NKAIN3: variants seen among roughly 807,000 people sequenced by gnomAD.
NKAIN3 encodes sodium/potassium-transporting ATPase subunit beta-1-interacting protein 3.
A neutral mutation model predicts 30.2 loss-of-function variants in NKAIN3; 25 were observed. The observed-to-expected ratio is 0.83, with a 90% CI of 0.60 to 1.16. NKAIN3 has a LOEUF of 1.16. Ranked by LOEUF, NKAIN3 falls within the 50% of genes most tolerant of loss-of-function variation. The pLI, the probability that NKAIN3 is intolerant of heterozygous loss-of-function variation, is 0.00. For missense variants in NKAIN3, 225 were observed against 254.1 expected (o/e 0.89, Z 0.78); for synonymous variants, 91 against 89.6 (o/e 1.02, Z -0.09).
intron 2 of NKAIN3, among the ~76,000 whole-genome samples, chr8:62,586,585 A>G (rs1290450075): frequency 6.6e-6 from 1 of 152,104 alleles, no homozygotes; most frequent in African/African-American, 2.4e-5. Flanking sequence ...ATTATAGCAA[A>G]TTGATGTGTA....
At chr8:62,633,815 A>G (rs1463555892) in intron 3 of NKAIN3, among the ~76,000 whole-genome samples, 2 of 152,078 alleles carry the variant, frequency 1.3e-5, no homozygotes, top group Non-Finnish European at 2.9e-5. Flanking sequence ...TGGAGGGGGA[A>G]AGAATATGAA....
intron 3 of NKAIN3, among the ~76,000 whole-genome samples, chr8:62,687,999 T>C (rs1003273894): frequency 6.6e-6 from 1 of 152,242 alleles, no homozygotes; most frequent in Admixed American, 6.5e-5. Flanking sequence ...CTTCAGCATA[T>C]GGCTAGACAG....
intron 1 of NKAIN3, among the ~76,000 whole-genome samples, chr8:62,508,779 T>C (rs1308349195): frequency 6.6e-6 from 1 of 150,924 alleles, no homozygotes; most frequent in African/African-American, 2.5e-5. Context: ...TTAATACATA[T>C]TTTTAAGTTA....
intron 4 of NKAIN3, among the ~76,000 whole-genome samples, chr8:62,887,000 C>G (rs1028879293): frequency 6.6e-6 from 1 of 152,138 alleles, no homozygotes; most frequent in African/African-American, 2.4e-5. Context: ...TGAACTCACT[C>G]TTTTTTATGG....
At chr8:62,319,232 A>G (rs1814781125) in intron 1 of NKAIN3, among the ~76,000 whole-genome samples, 1 of 151,664 alleles carries the variant, frequency 6.6e-6, no homozygotes, top group Admixed American at 6.6e-5. Flanking sequence ...TTTCTTCTTT[A>G]TTAGTCTTGC....
At chr8:62,757,717 A>G (rs1473370830) in intron 4 of NKAIN3, among the ~76,000 whole-genome samples, 1 of 152,216 alleles carries the variant, frequency 6.6e-6, no homozygotes, top group Non-Finnish European at 1.5e-5. Flanking sequence ...GCATTAGCAA[A>G]TAAATAAAAA....
At chr8:62,998,916 C>T (rs972480259) in intron 5 of NKAIN3, among the ~76,000 whole-genome samples, 1 of 152,168 alleles carries the variant, frequency 6.6e-6, no homozygotes, top group African/African-American at 2.4e-5. Context: ...TCCATTCAAA[C>T]AGTGTAAGGT....
At chr8:62,751,886 T>A (rs1816296335) in intron 4 of NKAIN3, among the ~76,000 whole-genome samples, 1 of 151,782 alleles carries the variant, frequency 6.6e-6, no homozygotes, top group Non-Finnish European at 1.5e-5. Context: ...ACTCACTCCC[T>A]CAGGCTGTAC....
At chr8:62,630,720 C>T (rs1162437594) in intron 3 of NKAIN3, among the ~76,000 whole-genome samples, 1 of 152,094 alleles carries the variant, frequency 6.6e-6, no homozygotes, top group Non-Finnish European at 1.5e-5. Flanking sequence ...GAATTAAATG[C>T]TATCAGTTGT....
rs975053999 is a variant in NKAIN3, at chr8:62,972,516, T to C, written c.*7109T>C. On this transcript the variant is annotated 3_prime_UTR_variant, in exon 7 of 7. Transcript: ENST00000623646. ...TCAATAATTAAACTTCCCAAGATTT[T>C]TTTGTCTCTCTCTGAATCAAGTTCG... Among the ~76,000 whole-genome samples the C allele has an allele frequency of 1.6e-4, 24 of 152,144 alleles. No individual in the cohort carries two copies. The highest frequency in any genetic ancestry group is 5.6e-4 in the African/African-American group (23 of 41,436).
At chr8:62,775,277 A>G (rs893994238) in intron 4 of NKAIN3, among the ~76,000 whole-genome samples, 3 of 151,842 alleles carry the variant, frequency 2.0e-5, no homozygotes, top group Non-Finnish European at 4.4e-5. Context: ...AATTTTATTT[A>G]TTTGGGTCTT....
intron 3 of NKAIN3, among the ~76,000 whole-genome samples, chr8:62,686,209 C>T (rs1372446750): frequency 1.3e-5 from 2 of 152,166 alleles, no homozygotes; most frequent in African/African-American, 2.4e-5. Context: ...CTTTAGCAGA[C>T]CATCTTGCAT....
At chr8:62,265,406 T>C (rs74619857) in intron 1 of NKAIN3, among the ~76,000 whole-genome samples, 2,230 of 152,226 alleles carry the variant, frequency 0.015, 50 homozygotes, top group African/African-American at 0.049. Context: ...ATAGAGTAGA[T>C]TGGGGAAACT....
At chr8:62,477,929 C>G (rs1223303427) in intron 1 of NKAIN3, among the ~76,000 whole-genome samples, 2 of 152,238 alleles carry the variant, frequency 1.3e-5, no homozygotes, top group Non-Finnish European at 2.9e-5. Flanking sequence ...TATCTGTGAG[C>G]TAAAATCAAT....
At chr8:62,670,562 T>C (rs867697514) in intron 3 of NKAIN3, among the ~76,000 whole-genome samples, 3 of 152,046 alleles carry the variant, frequency 2.0e-5, no homozygotes, top group Non-Finnish European at 2.9e-5. Flanking sequence ...GTGTGCTGCG[T>C]TGGTTGGTTA....
At chr8:62,263,786 T>C (rs943696622) in intron 1 of NKAIN3, among the ~76,000 whole-genome samples, 1 of 152,202 alleles carries the variant, frequency 6.6e-6, no homozygotes, top group Non-Finnish European at 1.5e-5. Flanking sequence ...CGTTGAATAT[T>C]TTTGGACTTA....
intron 4 of NKAIN3, among the ~76,000 whole-genome samples, chr8:62,892,402 A>G (rs542010387): frequency 9.8e-4 from 149 of 152,324 alleles, no homozygotes; most frequent in Non-Finnish European, 1.7e-3. Context: ...AGACATTTTT[A>G]AAATTGTCGT....
Position 62,757,332 on chromosome 8 carries a change from A to T in NKAIN3, c.471+10203A>T, listed in dbSNP as rs148004767. On this transcript the variant is annotated intron_variant, in intron 4 of 6. Coordinates refer to ENST00000623646, the MANE Select transcript of NKAIN3 (RefSeq NM_001304533.3). ...ATGTCACTTGAAATTACCAATTTGTATAAATTTCATTAATAAAATTTTATA... is the reference window on the plus strand; with the variant it reads ...ATGTCACTTGAAATTACCAATTTGTTTAAATTTCATTAATAAAATTTTATA... Among the ~76,000 whole-genome samples the T allele has an allele frequency of 5.2e-3, 797 of 152,326 alleles. 6 individuals carry two copies. The highest frequency in any genetic ancestry group is 0.018 in the African/African-American group (765 of 41,562).
At chr8:62,349,166 A>T (rs1816103528) in intron 1 of NKAIN3, among the ~76,000 whole-genome samples, 1 of 152,202 alleles carries the variant, frequency 6.6e-6, no homozygotes, top group Non-Finnish European at 1.5e-5. Context: ...ATCATCATGC[A>T]TCTTCTGCCA....
Sources: allele counts gnomAD v4.1 joint callset (sites outside exome capture counted in the v4.1 genomes callset), GRCh38; gene constraint gnomAD v4.1.1; transcripts MANE v1.5; gene names NCBI Gene and HGNC (gene_info 2026-07-23, HGNC 2026-07-21).